Variants in ATP5PD observed in about 807,000 individuals in gnomAD.
ATP5PD encodes the protein ATP synthase peripheral stalk subunit d, mitochondrial.
A neutral mutation model predicts 22.6 loss-of-function variants in ATP5PD; 13 were observed. The observed-to-expected ratio is 0.58, with a 90% CI of 0.37 to 0.91. The LOEUF is 0.91. ATP5PD is among the 40% of genes least tolerant of loss of function. ATP5PD has a pLI of 0.00. For missense variants in ATP5PD, 165 were observed against 188.0 expected (o/e 0.88, Z 0.72); for synonymous variants, 51 against 65.0 (o/e 0.79, Z 1.03).
At position 75,043,334 on chromosome 17, in the gene ATP5PD, G is replaced by A. The variant is rs572562092; in HGVS notation, c.-9-675C>T. On this transcript the variant is annotated intron_variant, in intron 1 of 5. Coordinates refer to ENST00000301587, the MANE Select transcript of ATP5PD (RefSeq NM_006356.3). ...CCTTAAAAGCCCAGCTCTCTTGGCC[G>A]GGCGCAGTGGCTCATTTCTGTAATC... 1.2e-3 allele frequency among the ~76,000 whole-genome samples: 183 copies of A among 151,908 alleles called. 3 individuals are homozygous for A. Among genetic ancestry groups the A allele is most frequent in the African/African-American group, 4.1e-3 (172 of 41,456 alleles).
At chr17:75,039,359 C>G (rs2073135136) in intron 4 of ATP5PD, 88 bp from the exon 5 acceptor site, 2 of 1,193,740 alleles carry the variant, frequency 1.7e-6, no homozygotes, top group African/African-American at 3.0e-5. Context: ...CAGCCCACTC[C>G]TGCTGTCCTA....
intron 4 of ATP5PD, 117 bp from the exon 5 acceptor site, chr17:75,039,388 G>T: frequency 1.1e-6 from 1 of 906,778 alleles, no homozygotes; most frequent in South Asian, 1.5e-5. Context: ...TGGAGAAACT[G>T]TGGTTACCCT....
intron 1 of ATP5PD, among the ~76,000 whole-genome samples, chr17:75,044,767 A>G (rs1274434868): frequency 6.6e-6 from 1 of 152,250 alleles, no homozygotes; most frequent in African/African-American, 2.4e-5. Context: ...AGGGTCAGAT[A>G]TTAAAAGACT....
intron 1 of ATP5PD, 27 bp from the exon 2 acceptor site, chr17:75,042,686 G>T (rs200078977): frequency 6.3e-7 from 1 of 1,584,068 alleles, no homozygotes; most frequent in African/African-American, 1.4e-5. Flanking sequence ...ATAAAAACAA[G>T]GCTTTTTTAT....
intron 1 of ATP5PD, among the ~76,000 whole-genome samples, chr17:75,044,199 A>ATTTT (rs755560156): frequency 2.1e-5 from 2 of 94,696 alleles, no homozygotes; most frequent in Non-Finnish European, 1.9e-5. Context: ...TAATTTTTGT[A>ATTTT]TTTTTTTTTT....
At chr17:75,046,869 G>C (rs1286163757) in intron 1 of ATP5PD, 56 bp downstream of exon 1, 2 of 152,990 alleles carry the variant, frequency 1.3e-5, no homozygotes, top group Admixed American at 6.5e-5. Flanking sequence ...GGTTTGGAGA[G>C]GGCAGAGCAG....
At position 75,042,629 on chromosome 17, in the gene ATP5PD, G is replaced by A. The variant is rs764459721; in HGVS notation, c.22C>T (p.Leu8=). 5.0e-6 allele frequency: 8 copies of A among 1,610,630 alleles called. No individual in the cohort carries two copies. The African/African-American group carries it at 5.3e-5, about 11-fold the overall frequency. Residue 8 remains leucine, a synonymous_variant, in exon 2 of 6, where the codon CTA becomes TTA. Transcript: ENST00000301587. ...AAAGCTACCCAGTCAATGGTTTTTA[G>A]AGCAAGTTTTCGCCCAGCCATTTTG... MAGRKLA[L]KTIDWVAFAE...
rs777088196 is a variant in ATP5PD at position 75,039,003 on chromosome 17, C to T, written c.415G>A (p.Ala139Thr). Residue 139 changes from alanine to threonine, a missense_variant, in exon 6 of 6, where the codon GCT becomes ACT. Coordinates refer to ENST00000301587, the MANE Select transcript of ATP5PD (RefSeq NM_006356.3). Reference protein sequence around the residue: ...DQMTIEDLNEAFPETKLDKKK... With the variant: ...DQMTIEDLNETFPETKLDKKK... ...TTGTCTAATTTGGTTTCTGGGAAAG[C>T]TTCATTCAAGTCCTCAATGGTCATC... 2 of 1,614,102 alleles carry T rather than the reference C, an allele frequency of 1.2e-6. No individual in the cohort carries two copies. Among genetic ancestry groups the T allele is most frequent in the African/African-American group, 1.3e-5 (1 of 75,042 alleles).
intron 3 of ATP5PD, chr17:75,041,463 A>AT: frequency 6.6e-6 from 1 of 151,134 alleles, no homozygotes; most frequent in Non-Finnish European, 1.5e-5. Context: ...AAAAAAAAAA[A>AT]CAAAACGAAA....
intron 1 of ATP5PD, among the ~76,000 whole-genome samples, chr17:75,043,154 G>C (rs1285062962): frequency 6.6e-6 from 1 of 152,234 alleles, no homozygotes; most frequent in Non-Finnish European, 1.5e-5. Flanking sequence ...CCAGGAGGCA[G>C]AGGTTGTAAT....
At chr17:75,046,303 C>G (rs1425928527) in intron 1 of ATP5PD, among the ~76,000 whole-genome samples, 1 of 152,126 alleles carries the variant, frequency 6.6e-6, no homozygotes, top group Non-Finnish European at 1.5e-5. Context: ...AGGCTGGTCT[C>G]GAACTCCTGA....
In ATP5PD at chr17:75,039,247, A is replaced by T; in HGVS notation, c.316T>A (p.Ser106Thr). The T allele has an allele frequency of 2.5e-6, 4 of 1,614,150 alleles. No individual in the cohort carries two copies. Among genetic ancestry groups the T allele is most frequent in the Non-Finnish European group, 3.4e-6 (4 of 1,180,032 alleles). ...EDVKSCAEWV[S>T]LSKARIVEYE... Reference sequence around the variant, plus strand: ...TCTACAATCCTGGCCTTTGAGAGAGACACCCACTCAGCACAAGATTTCACC... The same window carrying T: ...TCTACAATCCTGGCCTTTGAGAGAGTCACCCACTCAGCACAAGATTTCACC... The change falls in exon 5 of 6, where the codon TCT (serine) becomes ACT (threonine). Residue 106 changes from serine to threonine, a missense_variant. By Grantham distance (58) the Ser-to-Thr change is moderately conservative. Coordinates refer to ENST00000301587, the MANE Select transcript of ATP5PD (RefSeq NM_006356.3).
At chr17:75,046,892 G>A (rs1012653441) in intron 1 of ATP5PD, 33 bp downstream of exon 1, 5 of 153,882 alleles carry the variant, frequency 3.2e-5, no homozygotes, top group Non-Finnish European at 7.2e-5. Context: ...GAGCCCTCCA[G>A]GGATCGGATC....
At chr17:75,041,391 G>GC (rs2073158574) in intron 3 of ATP5PD, 2 of 143,112 alleles carry the variant, frequency 1.4e-5, no homozygotes, top group African/African-American at 5.3e-5. Context: ...GAGGTGGATT[G>GC]CCTGAGCCCA....
chr17:75,039,159 C>A (rs773900989), intron 5 of ATP5PD, 50 bp downstream of exon 5: 3 of 1,612,416 alleles, frequency 1.9e-6, no homozygotes, highest in South Asian at 2.2e-5. Flanking sequence ...GATGTGTGGT[C>A]ATGAAAGAGA....
intron 1 of ATP5PD, 37 bp from the exon 2 acceptor site, chr17:75,042,696 T>G: frequency 6.3e-7 from 1 of 1,576,952 alleles, no homozygotes; most frequent in Non-Finnish European, 8.6e-7. Context: ...GGCTTTTTTA[T>G]GAGGTGAATT....
chr17:75,046,568 A>T (rs2073219841), intron 1 of ATP5PD, among the ~76,000 whole-genome samples: 1 of 152,228 alleles, frequency 6.6e-6, no homozygotes, highest in Admixed American at 6.5e-5. Flanking sequence ...CCCCGCAGCC[A>T]GCTGAGCGTC....
chr17:75,041,018 T>G (rs1324065968), intron 3 of ATP5PD: 3 of 151,696 alleles, frequency 2.0e-5, no homozygotes, highest in South Asian at 4.2e-4. Flanking sequence ...TGTGTAAATA[T>G]CAGAGGAGGA....
At chr17:75,046,083 T>TTGTGTG (rs904776938) in intron 1 of ATP5PD, among the ~76,000 whole-genome samples, 1 of 151,666 alleles carries the variant, frequency 6.6e-6, no homozygotes, top group Non-Finnish European at 1.5e-5. Context: ...ACAAATAACT[T>TTGTGTG]TGTGTGTGTG....
Sources: allele counts gnomAD v4.1 joint callset (sites outside exome capture counted in the v4.1 genomes callset), GRCh38; gene constraint gnomAD v4.1.1; transcripts MANE v1.5; gene names NCBI Gene and HGNC (gene_info 2026-07-23, HGNC 2026-07-21).